Variants in JADE1 observed in about 807,000 individuals in gnomAD.
JADE1 encodes protein Jade-1.
A neutral mutation model predicts 81.8 loss-of-function variants in JADE1; 14 were observed. The ratio of observed to expected loss-of-function variants is 0.17; its 90% CI spans 0.11 to 0.27. The LOEUF (loss-of-function observed/expected upper bound fraction) is 0.27. Among genes scored for constraint, JADE1 ranks in the 10% least tolerant of loss-of-function variants. JADE1 has a pLI of 1.00. For synonymous variants in JADE1, 353 were observed against 391.9 expected (o/e 0.90, Z 1.17); for missense variants, 690 against 1,047.9 (o/e 0.66, Z 4.71).
At chr4:128,863,818 G>A (rs1327879848) in intron 9 of JADE1, 2 of 985,370 alleles carry the variant, frequency 2.0e-6, no homozygotes, top group African/African-American at 3.5e-5. Context: ...TAATTGGGGT[G>A]CATGAGCTAT....
At chr4:128,862,517 C>G in intron 9 of JADE1, 1 of 1,252,858 alleles carries the variant, frequency 8.0e-7, no homozygotes, top group Non-Finnish European at 1.0e-6. Context: ...TCCCCACCCC[C>G]ATTCCTTCAT....
At chr4:128,814,620 G>A (rs1385324814) in intron 1 of JADE1, among the ~76,000 whole-genome samples, 1 of 149,420 alleles carries the variant, frequency 6.7e-6, no homozygotes. Context: ...AGGCTGGAGT[G>A]CAATGGTGGG....
At chr4:128,829,912 G>C (rs370579044) in intron 1 of JADE1, among the ~76,000 whole-genome samples, 1 of 151,644 alleles carries the variant, frequency 6.6e-6, no homozygotes, top group East Asian at 1.9e-4. Context: ...GAATCTCACT[G>C]TGTCACATAG....
At chr4:128,820,810 A>C (rs984189835) in intron 1 of JADE1, among the ~76,000 whole-genome samples, 2 of 152,166 alleles carry the variant, frequency 1.3e-5, no homozygotes, top group African/African-American at 4.8e-5. Flanking sequence ...GCTGCATTTC[A>C]ATCTGTGCAC....
At chr4:128,859,216 G>T (rs990445725) in intron 8 of JADE1, among the ~76,000 whole-genome samples, 4 of 152,056 alleles carry the variant, frequency 2.6e-5, no homozygotes, top group African/African-American at 9.7e-5. Context: ...ATGGGTGTGT[G>T]TGTGAGTATG....
chr4:128,872,455 T>G lies in JADE1; in HGVS notation c.*193T>G. 1.7e-6 allele frequency: 1 copy of G among 580,552 alleles called. No homozygotes were observed. The highest frequency in any genetic ancestry group is 2.3e-5 in the South Asian group (1 of 42,802). The allele number at this position is 580,552 out of a possible 1,614,324, so 36.0% of individuals were successfully genotyped here. Reference sequence around the variant, plus strand: ...AGAAGTTTGTGTTATTTGCAACTTGTTGAGGAAACAGAAGAGTAGATTGTA... The same window carrying G: ...AGAAGTTTGTGTTATTTGCAACTTGGTGAGGAAACAGAAGAGTAGATTGTA... On this transcript the variant is annotated 3_prime_UTR_variant, in exon 11 of 11. Coordinates refer to ENST00000226319, the MANE Select transcript of JADE1 (RefSeq NM_199320.4).
intron 7 of JADE1, among the ~76,000 whole-genome samples, chr4:128,857,019 T>G (rs983416829): frequency 2.0e-5 from 3 of 152,204 alleles, no homozygotes; most frequent in Non-Finnish European, 4.4e-5. Flanking sequence ...CACCAATTTG[T>G]TATGAGCTAG....
At chr4:128,848,358 T>C (rs1730052553) in intron 4 of JADE1, among the ~76,000 whole-genome samples, 1 of 152,138 alleles carries the variant, frequency 6.6e-6, no homozygotes, top group Non-Finnish European at 1.5e-5. Flanking sequence ...TCTGTATTTT[T>C]AGTAGAGATG....
chr4:128,829,941 G>A (rs895993526), intron 1 of JADE1, among the ~76,000 whole-genome samples: 12 of 151,840 alleles, frequency 7.9e-5, no homozygotes, highest in Non-Finnish European at 1.8e-4. Flanking sequence ...GCAGTGGTGT[G>A]ATCTCCACTC....
Position 128,872,184 on chromosome 4 carries a change from A to G in JADE1, c.2451A>G (p.Ser817=). The G allele has an allele frequency of 6.2e-7, 1 of 1,614,196 alleles. No homozygotes were observed. The highest frequency in any genetic ancestry group is 8.5e-7 in the Non-Finnish European group (1 of 1,180,016). Residue 817 remains serine, a synonymous_variant, in exon 11 of 11, where the codon TCA becomes TCG. Transcript: ENST00000226319. ...TGAGTGACTCAGAGAGTGAGGCATC[A>G]GAAAAGAAATGTATACACACCAGCA... ...VEMSDSESEA[S]EKKCIHTSST...
At chr4:128,820,472 A>G (rs1579102683) in intron 1 of JADE1, among the ~76,000 whole-genome samples, 1 of 152,188 alleles carries the variant, frequency 6.6e-6, no homozygotes, top group Non-Finnish European at 1.5e-5. Flanking sequence ...GGCAGAGTCT[A>G]CGTTGTGAGA....
chr4:128,813,664 G>A (rs1238877015), intron 1 of JADE1, among the ~76,000 whole-genome samples: 16 of 151,638 alleles, frequency 1.1e-4, no homozygotes, highest in Non-Finnish European at 2.9e-5. Flanking sequence ...CTCGTGATCC[G>A]CCCGCCCCGG....
Position 128,871,799 on chromosome 4 carries a change from A to T in JADE1, c.2066A>T (p.Asp689Val), listed in dbSNP as rs923336549. 6.2e-7 allele frequency: 1 copy of T among 1,614,160 alleles called. No homozygotes were observed. Among genetic ancestry groups the T allele is most frequent in the African/African-American group, 1.3e-5 (1 of 75,048 alleles). The change falls in exon 11 of 11, where the codon GAT (aspartate) becomes GTT (valine). Residue 689 changes from aspartate (D) to valine (V), a missense_variant. By Grantham distance (152) the Asp-to-Val change is radical. Around this residue, in one of 8 missense-constraint regions of JADE1, gnomAD observed 218 missense variants for 274.3 expected, o/e 0.79. Coordinates refer to ENST00000226319, the MANE Select transcript of JADE1 (RefSeq NM_199320.4). This position sits in a 1 kb window ranked among gnomAD's most constrained non-coding sequence, Gnocchi z 4.1. ...KQSHKPLRSTDVSQRHLDNTR... is the reference protein window; with the variant it reads ...KQSHKPLRSTVVSQRHLDNTR... ...AGTCACAAGCCTCTCAGGTCCACAG[A>T]TGTGTCCCAGAGGCATCTGGACAAC...
intron 2 of JADE1, among the ~76,000 whole-genome samples, chr4:128,842,587 G>T (rs183993396): frequency 1.3e-5 from 2 of 152,194 alleles, no homozygotes; most frequent in East Asian, 3.9e-4. Flanking sequence ...GGCGTGAGCC[G>T]CCACCCCTGG....
At chr4:128,849,829 TG>T (rs1324000082) in intron 5 of JADE1, among the ~76,000 whole-genome samples, 1 of 152,260 alleles carries the variant, frequency 6.6e-6, no homozygotes, top group Admixed American at 6.5e-5. Context: ...TCATCTCACA[TG>T]CCAGTCCTGA....
intron 7 of JADE1, among the ~76,000 whole-genome samples, chr4:128,856,960 CTGT>C (rs1334756573): frequency 6.6e-6 from 1 of 152,196 alleles, no homozygotes; most frequent in Non-Finnish European, 1.5e-5. Flanking sequence ...TTTACTTACC[CTGT>C]TGTTGACAAC....
intron 1 of JADE1, among the ~76,000 whole-genome samples, chr4:128,815,301 C>T (rs138621072): frequency 0.013 from 1,962 of 152,100 alleles, 25 homozygotes; most frequent in African/African-American, 0.038. Context: ...GGGGTTTCAC[C>T]GTGTTAGCCA....
At chr4:128,834,535 T>C (rs962774922) in intron 2 of JADE1, among the ~76,000 whole-genome samples, 43 of 146,938 alleles carry the variant, frequency 2.9e-4, no homozygotes, top group Non-Finnish European at 5.3e-4. Flanking sequence ...TATTTCTTTT[T>C]TTTTTTTTTT....
chr4:128,859,556 TATGTGTGTGA>T (rs1731140705), intron 8 of JADE1, among the ~76,000 whole-genome samples: 2 of 109,910 alleles, frequency 1.8e-5, no homozygotes, highest in Admixed American at 9.2e-5. Flanking sequence ...TGTATATGTG[TATGTGTGTGA>T]GTATGCGTGT....
Sources: allele counts gnomAD v4.1 joint callset (sites outside exome capture counted in the v4.1 genomes callset), GRCh38; gene constraint gnomAD v4.1.1; regional missense constraint gnomAD v4.1.1; non-coding constraint Gnocchi (gnomAD v3.1); transcripts MANE v1.5; gene names NCBI Gene and HGNC (gene_info 2026-07-23, HGNC 2026-07-21).